Variants in FERMT2 observed in about 807,000 individuals in gnomAD.
FERMT2 encodes the protein FERM domain containing kindlin 2, also known as fermitin family homolog 2.
A neutral mutation model predicts 82.7 loss-of-function variants in FERMT2; 15 were observed. The observed-to-expected ratio is 0.18, with a 90% CI of 0.12 to 0.28. The LOEUF is 0.28. Ranked by LOEUF, FERMT2 falls within the 10% of genes least tolerant of loss-of-function variation. The pLI, the probability that FERMT2 is intolerant of heterozygous loss-of-function variation, is 1.00. For synonymous variants in FERMT2, 274 were observed against 271.5 expected (o/e 1.01, Z -0.09); for missense variants, 645 against 809.4 (o/e 0.80, Z 2.46).
intron 2 of FERMT2, among the ~76,000 whole-genome samples, chr14:52,920,144 G>A (rs564690902): frequency 2.0e-5 from 3 of 152,286 alleles, no homozygotes; most frequent in Non-Finnish European, 4.4e-5. Context: ...GATAAGGCAG[G>A]TCGTAACAAT....
intron 10 of FERMT2, 147 bp downstream of exon 10, chr14:52,872,652 G>T (rs2140091831): frequency 1.4e-6 from 1 of 693,900 alleles, no homozygotes. Context: ...CTATGTAAAA[G>T]AGACATATCT....
chr14:52,916,942 T>G (rs980978017), intron 3 of FERMT2, among the ~76,000 whole-genome samples: 1 of 152,196 alleles, frequency 6.6e-6, no homozygotes, highest in Non-Finnish European at 1.5e-5. Flanking sequence ...TAAAAACATA[T>G]TTAGCTTTGT....
chr14:52,949,033 A>C (rs554550514), intron 2 of FERMT2, among the ~76,000 whole-genome samples: 1 of 152,376 alleles, frequency 6.6e-6, no homozygotes, highest in Non-Finnish European at 1.5e-5. Flanking sequence ...AGATAAAAAT[A>C]CTGTTAACTG....
chr14:52,860,946 T>G, intron 12 of FERMT2: 1 of 1,148,174 alleles, frequency 8.7e-7, no homozygotes, highest in Non-Finnish European at 1.2e-6. Context: ...GTAAATTCCA[T>G]GAGGGAAGGT....
chr14:52,923,403 C>CT (rs1331447058), intron 2 of FERMT2, among the ~76,000 whole-genome samples: 5 of 152,064 alleles, frequency 3.3e-5, no homozygotes, highest in African/African-American at 1.2e-4. Flanking sequence ...ACTATCCATA[C>CT]TTAAGAAAAA....
intron 6 of FERMT2, among the ~76,000 whole-genome samples, chr14:52,880,258 A>G (rs545755308): frequency 1.3e-5 from 2 of 152,328 alleles, no homozygotes; most frequent in Non-Finnish European, 2.9e-5. Context: ...CCCTGTCTCA[A>G]GAAAAAAACG....
chr14:52,938,451 A>G (rs1311586978), intron 2 of FERMT2, among the ~76,000 whole-genome samples: 1 of 152,212 alleles, frequency 6.6e-6, no homozygotes, highest in Non-Finnish European at 1.5e-5. Flanking sequence ...CCCCCAAAAC[A>G]AGTAAACTAA....
chr14:52,916,249 C>G (rs1300024103), intron 3 of FERMT2, among the ~76,000 whole-genome samples: 2 of 151,052 alleles, frequency 1.3e-5, no homozygotes, highest in Non-Finnish European at 2.9e-5. Context: ...GAGGCTGAGG[C>G]AGAAGAATTG....
chr14:52,926,107 G>A (rs1317216374), intron 2 of FERMT2, among the ~76,000 whole-genome samples: 1 of 151,272 alleles, frequency 6.6e-6, no homozygotes, highest in African/African-American at 2.4e-5. Flanking sequence ...CTTTCCTCTA[G>A]CTAAAGACTG....
chr14:52,858,373 C>G lies in FERMT2; in HGVS notation c.*4G>C, dbSNP rs1398495120. 3 of 1,612,548 alleles carry G rather than the reference C, an allele frequency of 1.9e-6. No homozygotes were observed. Among genetic ancestry groups the G allele is most frequent in the Admixed American group, 1.7e-5 (1 of 60,006 alleles). Reference sequence around the variant, plus strand: ...CGTGGAGTTTCATTAAACAGTATTCCTATTCACACCCAACCACTGGTAAGT... The same window carrying G: ...CGTGGAGTTTCATTAAACAGTATTCGTATTCACACCCAACCACTGGTAAGT... On this transcript the variant is annotated 3_prime_UTR_variant, in exon 15 of 15. Coordinates refer to ENST00000341590, the MANE Select transcript of FERMT2 (RefSeq NM_006832.3).
intron 9 of FERMT2, among the ~76,000 whole-genome samples, chr14:52,873,874 C>A (rs1885786529): frequency 6.6e-6 from 1 of 151,884 alleles, no homozygotes; most frequent in Non-Finnish European, 1.5e-5. Context: ...CTGCTTCCAA[C>A]TGAGGCCCGG....
At chr14:52,910,585 A>G (rs556498070) in intron 3 of FERMT2, among the ~76,000 whole-genome samples, 4 of 152,334 alleles carry the variant, frequency 2.6e-5, no homozygotes, top group East Asian at 3.9e-4. Context: ...TATTACACAG[A>G]AGCACTGATC....
At chr14:52,892,412 G>C (rs2139542124) in intron 4 of FERMT2, among the ~76,000 whole-genome samples, 1 of 151,450 alleles carries the variant, frequency 6.6e-6, no homozygotes, top group South Asian at 2.1e-4. Flanking sequence ...AAAGTGCTGG[G>C]ATTACAGGTG....
intron 4 of FERMT2, among the ~76,000 whole-genome samples, chr14:52,888,141 T>G (rs1566731240): frequency 1.3e-5 from 2 of 152,162 alleles, no homozygotes; most frequent in African/African-American, 4.8e-5. Flanking sequence ...CAATATACAC[T>G]ACTCTCCAAC....
chr14:52,892,166 G>GTTTTTTTTTTTTT (rs10547747), intron 4 of FERMT2, among the ~76,000 whole-genome samples: 4 of 128,860 alleles, frequency 3.1e-5, no homozygotes, highest in Admixed American at 7.8e-5. Flanking sequence ...GCTGTTTTTT[G>GTTTTTTTTTTTTT]TTTTTTTTTT....
intron 12 of FERMT2, among the ~76,000 whole-genome samples, chr14:52,864,133 C>G (rs1177683134): frequency 2.0e-5 from 3 of 151,952 alleles, no homozygotes; most frequent in Non-Finnish European, 4.4e-5. Flanking sequence ...TTTGGAATAT[C>G]TGCATTATAC....
chr14:52,920,593 A>C (rs1356351649), intron 2 of FERMT2, among the ~76,000 whole-genome samples: 1 of 152,040 alleles, frequency 6.6e-6, no homozygotes, highest in Non-Finnish European at 1.5e-5. Context: ...GTGATGTGAA[A>C]CTACATTCCA....
chr14:52,932,289 A>T (rs1441358691), intron 2 of FERMT2, among the ~76,000 whole-genome samples: 2 of 152,226 alleles, frequency 1.3e-5, no homozygotes, highest in African/African-American at 4.8e-5. Flanking sequence ...ATATGAGGCC[A>T]AAAGACTAAT....
At chr14:52,900,950 G>A (rs187434198) in intron 3 of FERMT2, among the ~76,000 whole-genome samples, 1 of 151,894 alleles carries the variant, frequency 6.6e-6, no homozygotes, top group African/African-American at 2.4e-5. Context: ...CCAATATAGA[G>A]CTTCCTATTA....
Sources: allele counts gnomAD v4.1 joint callset (sites outside exome capture counted in the v4.1 genomes callset), GRCh38; gene constraint gnomAD v4.1.1; transcripts MANE v1.5; gene names NCBI Gene and HGNC (gene_info 2026-07-23, HGNC 2026-07-21).